Variants in STX7 observed in about 807,000 individuals in gnomAD.
STX7 encodes syntaxin-7.
STX7 carries 34 observed loss-of-function variants against 39.6 expected under a neutral mutation model. The ratio of observed to expected loss-of-function variants is 0.86; its 90% CI spans 0.65 to 1.14. STX7 has a LOEUF of 1.14. STX7 is among the 50% of genes most tolerant of loss of function. The probability of loss-of-function intolerance (pLI) is 0.00; values close to 1 mark genes in which losing one functional copy is unlikely to be tolerated. For missense variants in STX7, 284 were observed against 310.4 expected (o/e 0.92, Z 0.64); for synonymous variants, 119 against 99.1 (o/e 1.20, Z -1.19).
chr6:132,487,807 A>G (rs1582668302), intron 2 of STX7, among the ~76,000 whole-genome samples: 1 of 151,732 alleles, frequency 6.6e-6, no homozygotes, highest in East Asian at 1.9e-4. Context: ...TGTTTCTTCT[A>G]TTTTTTTCAT....
At chr6:132,511,151 T>A (rs1167075496) in intron 1 of STX7, among the ~76,000 whole-genome samples, 1 of 152,156 alleles carries the variant, frequency 6.6e-6, no homozygotes, top group African/African-American at 2.4e-5. Flanking sequence ...TAACAAACAT[T>A]TGTAGAATGA....
At chr6:132,468,600 A>G in intron 7 of STX7, 125 bp from the exon 8 acceptor site, 1 of 565,676 alleles carries the variant, frequency 1.8e-6, no homozygotes, top group Non-Finnish European at 3.1e-6. Flanking sequence ...ATACACAAAT[A>G]TAATACATAA....
chr6:132,500,902 C>A (rs999893950), intron 2 of STX7, among the ~76,000 whole-genome samples: 3 of 152,142 alleles, frequency 2.0e-5, no homozygotes, highest in Admixed American at 1.3e-4. Context: ...TTCAAAAGCC[C>A]TTCCTCCTTC....
chr6:132,512,247 C>A (rs1174909409), intron 1 of STX7, among the ~76,000 whole-genome samples: 1 of 151,812 alleles, frequency 6.6e-6, no homozygotes, highest in Non-Finnish European at 1.5e-5. Context: ...CTGAGGTAAA[C>A]AAAAATTAAC....
intron 8 of STX7, among the ~76,000 whole-genome samples, chr6:132,468,115 G>A (rs529321088): frequency 7.7e-4 from 117 of 152,264 alleles, no homozygotes; most frequent in African/African-American, 2.7e-3. Flanking sequence ...GAAATAAGCT[G>A]GAATAATGTT....
chr6:132,476,667 A>G (rs1382162299), intron 2 of STX7, among the ~76,000 whole-genome samples: 2 of 152,150 alleles, frequency 1.3e-5, no homozygotes, highest in Admixed American at 6.5e-5. Flanking sequence ...TCCAGGTGAA[A>G]GGTTCATTGT....
At chr6:132,472,762 A>T (rs1048672481) in intron 3 of STX7, among the ~76,000 whole-genome samples, 4 of 151,952 alleles carry the variant, frequency 2.6e-5, no homozygotes, top group Admixed American at 6.6e-5. Flanking sequence ...GCAAGAAAAG[A>T]TTTGTTACCT....
rs1775315485 is a variant in STX7, at chr6:132,492,450, C to A, written c.85+10996G>T. 2.6e-5 allele frequency among the ~76,000 whole-genome samples: 4 copies of A among 152,192 alleles called. No individual in the cohort carries two copies. In the South Asian group the frequency reaches 8.3e-4, roughly 31 times the overall value. ...TGTCTTCTCTCATTAAAGGTTCACT[C>A]CATAAAGGCAGGTATTTTTATTTTA... On this transcript the variant is annotated intron_variant, in intron 2 of 9. Coordinates refer to ENST00000367941, the MANE Select transcript of STX7 (RefSeq NM_003569.3).
chr6:132,506,128 C>G (rs947018507), intron 1 of STX7, among the ~76,000 whole-genome samples: 4 of 151,464 alleles, frequency 2.6e-5, no homozygotes, highest in Non-Finnish European at 5.9e-5. Context: ...AAAGTAATAC[C>G]TAAAACGATT....
chr6:132,507,344 A>G (rs1057397704), intron 1 of STX7, among the ~76,000 whole-genome samples: 8 of 152,230 alleles, frequency 5.3e-5, no homozygotes, highest in African/African-American at 1.7e-4. Flanking sequence ...AATACAATAC[A>G]CCTACTTGAA....
At chr6:132,461,759 A>C in intron 9 of STX7, 1 of 1,419,096 alleles carries the variant, frequency 7.0e-7, no homozygotes, top group Middle Eastern at 1.8e-4. Flanking sequence ...TGTCATTGAA[A>C]ACCGAATGGT....
chr6:132,505,446 T>A (rs6906663), intron 1 of STX7, among the ~76,000 whole-genome samples: 1 of 152,148 alleles, frequency 6.6e-6, no homozygotes, highest in African/African-American at 2.4e-5. Flanking sequence ...AAAGTCCTGG[T>A]GGCTTTTAGA....
chr6:132,486,261 G>A (rs1272545193), intron 2 of STX7, among the ~76,000 whole-genome samples: 2 of 152,142 alleles, frequency 1.3e-5, no homozygotes, highest in African/African-American at 4.8e-5. Flanking sequence ...GAAGTGGTGA[G>A]GGCAAGACAT....
intron 1 of STX7, among the ~76,000 whole-genome samples, chr6:132,510,798 ACTCAG>A (rs1775829010): frequency 6.6e-6 from 1 of 152,242 alleles, no homozygotes; most frequent in Non-Finnish European, 1.5e-5. Context: ...AAAGTGCAAC[ACTCAG>A]ATGAGAGTCT....
At chr6:132,492,991 T>A (rs891631859) in intron 2 of STX7, among the ~76,000 whole-genome samples, 1 of 152,186 alleles carries the variant, frequency 6.6e-6, no homozygotes, top group Non-Finnish European at 1.5e-5. Flanking sequence ...TGGCTGGATA[T>A]CTGTTGAAGG....
At position 132,469,994 on chromosome 6, in the gene STX7, A is replaced by G; in HGVS notation, c.494T>C (p.Leu165Pro). ...VQDEEITEDD[L>P]RLIHERESSI... ...AGATTCTCTCTCATGAATAAGACGG[A>G]GGTCATCCTCTGTAATTTCTTCATC... The change falls in exon 7 of 10, where the codon CTC becomes CCC. Residue 165 changes from leucine (L) to proline (P), a missense_variant. Coordinates refer to ENST00000367941, the MANE Select transcript of STX7 (RefSeq NM_003569.3). 1 of 1,600,462 alleles carries G rather than the reference A, an allele frequency of 6.2e-7. No individual in the cohort carries two copies. Among genetic ancestry groups the G allele is most frequent in the East Asian group, 2.3e-5 (1 of 43,296 alleles).
chr6:132,475,553 G>A, intron 3 of STX7, 40 bp downstream of exon 3: 2 of 1,415,448 alleles, frequency 1.4e-6, no homozygotes, highest in Non-Finnish European at 1.9e-6. Flanking sequence ...TAGCAATAGA[G>A]TTTTTTCTTT....
At chr6:132,491,028 G>GCACAGCACAGCACAGCACAGCACAGCAC (rs1554250963) in intron 2 of STX7, among the ~76,000 whole-genome samples, 2 of 151,734 alleles carry the variant, frequency 1.3e-5, no homozygotes, top group Non-Finnish European at 2.9e-5. Context: ...GCACAGCAGA[G>GCACAGCACAGCACAGCACAGCACAGCAC]AGAATAGAGC....
chr6:132,475,919 T>G (rs891960785), intron 2 of STX7, among the ~76,000 whole-genome samples: 1 of 152,190 alleles, frequency 6.6e-6, no homozygotes, highest in Admixed American at 6.5e-5. Flanking sequence ...TACTATCTTC[T>G]TCCTTATCCC....
Sources: allele counts gnomAD v4.1 joint callset (sites outside exome capture counted in the v4.1 genomes callset), GRCh38; gene constraint gnomAD v4.1.1; transcripts MANE v1.5; gene names NCBI Gene and HGNC (gene_info 2026-07-23, HGNC 2026-07-21).